Variants in PCDHGA8 observed in about 807,000 individuals in gnomAD.
The protein encoded by PCDHGA8 is protocadherin gamma-A8.
PCDHGA8 carries 45 observed loss-of-function variants against 59.2 expected under a neutral mutation model. The observed-to-expected ratio is 0.76, with a 90% confidence interval of 0.60 to 0.98. The LOEUF (loss-of-function observed/expected upper bound fraction) is 0.98, where lower values mean the gene tolerates loss of function less well. Among genes scored for constraint, PCDHGA8 ranks in the 50% least tolerant of loss-of-function variants. PCDHGA8 has a pLI of 0.00. For synonymous variants in PCDHGA8, 531 were observed against 519.0 expected (o/e 1.02, Z -0.32); for missense variants, 1,257 against 1,196.2 (o/e 1.05, Z -0.75).
intron 1 of PCDHGA8, chr5:141,471,300 C>T (rs2099254628): frequency 6.6e-6 from 1 of 152,190 alleles, no homozygotes; most frequent in African/African-American, 2.4e-5. Context: ...ATCCACCCAA[C>T]TCGGCCTCCC....
rs781026604 is a variant in PCDHGA8, at chr5:141,490,471, C to A, written c.2425-4336C>A. The A allele has an allele frequency of 6.2e-7, 1 of 1,614,214 alleles. No individual in the cohort carries two copies. The highest frequency in any genetic ancestry group is 1.1e-5 in the South Asian group (1 of 91,088). On this transcript the variant is annotated intron_variant, in intron 1 of 3. Transcript: ENST00000398604. This position sits in a 1 kb window ranked among gnomAD's most constrained non-coding sequence, Gnocchi z 5.4. ...CCACTACTCGCTGCTAACCAGCCAGCCTTTGGACCGGGAGGCCACATCCCA... is the reference window on the plus strand; with the variant it reads ...CCACTACTCGCTGCTAACCAGCCAGACTTTGGACCGGGAGGCCACATCCCA...
In PCDHGA8 at chr5:141,491,424, G is replaced by A. The variant is rs745755214; in HGVS notation, c.2425-3383G>A. The A allele has an allele frequency of 6.2e-7, 1 of 1,614,092 alleles. No individual in the cohort carries two copies. Among genetic ancestry groups the A allele is most frequent in the Non-Finnish European group, 8.5e-7 (1 of 1,180,028 alleles). ...ACGCAGACGGGGACGGGGGTGGAGG[G>A]CAGTGCTGCAGGCGCCAGGACTCAC... On this transcript the variant is annotated intron_variant, in intron 1 of 3. Coordinates refer to ENST00000398604, the MANE Select transcript of PCDHGA8 (RefSeq NM_032088.2). The surrounding 1 kb of genome is among the most constrained non-coding windows in gnomAD (Gnocchi z 6.9).
At chr5:141,494,979 T>C in intron 2 of PCDHGA8, 114 bp downstream of exon 2, 1 of 1,571,464 alleles carries the variant, frequency 6.4e-7, no homozygotes, top group Admixed American at 1.8e-5. Flanking sequence ...TCCCTCAGTT[T>C]GAGATCCCAG....
At chr5:141,418,922 C>A in intron 1 of PCDHGA8, 1 of 1,613,994 alleles carries the variant, frequency 6.2e-7, no homozygotes, top group Non-Finnish European at 8.5e-7. Context: ...ACTCTCTGAT[C>A]AGATTATGGA....
intron 1 of PCDHGA8, among the ~76,000 whole-genome samples, chr5:141,436,793 C>A (rs752376420): frequency 6.6e-6 from 1 of 152,178 alleles, no homozygotes; most frequent in Non-Finnish European, 1.5e-5. Context: ...TAAAACTGTT[C>A]TAAAATTTTT....
intron 1 of PCDHGA8, chr5:141,403,402 A>T: frequency 6.2e-7 from 1 of 1,614,076 alleles, no homozygotes; most frequent in Non-Finnish European, 8.5e-7. Flanking sequence ...TTCCTGGAGC[A>T]CGTTATCCAC....
chr5:141,433,033 C>A, intron 1 of PCDHGA8: 2 of 1,614,164 alleles, frequency 1.2e-6, no homozygotes, highest in Non-Finnish European at 1.7e-6. Flanking sequence ...ACGAGGTTTC[C>A]CTCACCACGG....
intron 1 of PCDHGA8, chr5:141,408,754 T>G: frequency 6.2e-7 from 1 of 1,610,602 alleles, no homozygotes; most frequent in Non-Finnish European, 8.5e-7. Flanking sequence ...TGGTTAGAGT[T>G]AATTCCGATG....
chr5:141,393,373 A>G lies in PCDHGA8; in HGVS notation c.560A>G (p.Asn187Ser), dbSNP rs1364997808. 1 of 1,613,956 alleles carries G rather than the reference A, an allele frequency of 6.2e-7. No homozygotes were observed. The highest frequency in any genetic ancestry group is 1.3e-5 in the African/African-American group (1 of 75,054). Residue 187 changes from asparagine to serine, a missense_variant, in exon 1 of 4, where the codon AAT (asparagine) becomes AGT (serine). Transcript: ENST00000398604. ...TCCCTGGACGTGCAGACTGGAGACA[A>G]TGGAGCCATAAACCCAGAGCTGGTG... ...HFSLDVQTGD[N>S]GAINPELVLE...
chr5:141,472,337 C>T (rs1327386198), intron 1 of PCDHGA8, among the ~76,000 whole-genome samples: 1 of 151,764 alleles, frequency 6.6e-6, no homozygotes, highest in Non-Finnish European at 1.5e-5. Context: ...GTTGGGAGAT[C>T]GAGACCATCC....
chr5:141,397,287 G>A (rs2093504712), intron 1 of PCDHGA8, among the ~76,000 whole-genome samples: 1 of 152,134 alleles, frequency 6.6e-6, no homozygotes, highest in Admixed American at 6.5e-5. Flanking sequence ...CAGTATACTT[G>A]AATGAATATT....
At chr5:141,422,458 C>T (rs375149811) in intron 1 of PCDHGA8, 264 of 1,613,148 alleles carry the variant, frequency 1.6e-4, no homozygotes, top group Non-Finnish European at 2.1e-4. Context: ...AAGCAGAGTG[C>T]TGGACAGGGA....
chr5:141,401,689 A>G (rs2094183367), intron 1 of PCDHGA8, among the ~76,000 whole-genome samples: 1 of 152,222 alleles, frequency 6.6e-6, no homozygotes, highest in Non-Finnish European at 1.5e-5. Context: ...ATGGAAGGTG[A>G]ATACAGGATT....
intron 1 of PCDHGA8, chr5:141,413,123 A>T: frequency 6.5e-7 from 1 of 1,526,818 alleles, no homozygotes. Flanking sequence ...GAACCGGTTG[A>T]AACACACAAC....
At chr5:141,419,413 C>T (rs568417008) in intron 1 of PCDHGA8, 4 of 1,613,444 alleles carry the variant, frequency 2.5e-6, no homozygotes, top group African/African-American at 1.3e-5. Flanking sequence ...TCGCGCAGCG[C>T]GCCTTCGACC....
intron 1 of PCDHGA8, chr5:141,404,795 G>A (rs769293241): frequency 5.0e-6 from 8 of 1,613,924 alleles, no homozygotes; most frequent in Admixed American, 1.7e-5. Flanking sequence ...CAGTGAGCCA[G>A]GGCTCTTCTC....
chr5:141,484,699 T>A (rs899065665), intron 1 of PCDHGA8, among the ~76,000 whole-genome samples: 4 of 151,966 alleles, frequency 2.6e-5, no homozygotes, highest in African/African-American at 9.7e-5. Flanking sequence ...GCTGTGGCTG[T>A]TTTCCCCGCC....
chr5:141,507,478 C>A (rs933478897), intron 3 of PCDHGA8, among the ~76,000 whole-genome samples: 3 of 152,158 alleles, frequency 2.0e-5, no homozygotes, highest in Non-Finnish European at 4.4e-5. Context: ...GGACTGCTGG[C>A]CTCCTGAGGC....
chr5:141,431,440 C>T lies in PCDHGA8; in HGVS notation c.2424+36203C>T. ...ACCCGGTGCGCACAGGCACCGCGCG[C>T]ATCCGCGTGATGGTTCTGGATGCGA... is the stretch of plus-strand genomic sequence containing the variant. On this transcript the variant is annotated intron_variant, in intron 1 of 3. Transcript: ENST00000398604. The surrounding 1 kb of genome is among the most constrained non-coding windows in gnomAD (Gnocchi z 4.8). 6.2e-7 allele frequency: 1 copy of T among 1,613,754 alleles called. No homozygotes were observed.
Sources: gnomAD v4.1 joint callset for allele counts (sites outside exome capture counted in the v4.1 genomes callset) on GRCh38, gnomAD v4.1.1 for gene constraint, Gnocchi (gnomAD v3.1) non-coding constraint, MANE v1.5 for transcripts, NCBI Gene and HGNC (gene_info 2026-07-23, HGNC 2026-07-21) for gene names.